The following SCTR variants were observed in gnomAD, a reference collection of about 807,000 sequenced individuals.
SCTR encodes secretin receptor.
In SCTR, 56 loss-of-function variants were observed where a neutral mutation model predicts 60.8. The observed-to-expected ratio is 0.92, with a 90% CI of 0.74 to 1.15. The LOEUF (loss-of-function observed/expected upper bound fraction) is 1.15. SCTR is among the 50% of genes most tolerant of loss of function. SCTR has a pLI of 0.00. For synonymous variants in SCTR, 202 were observed against 217.0 expected (o/e 0.93, Z 0.61); for missense variants, 562 against 550.4 (o/e 1.02, Z -0.21).
chr2:119,490,322 C>G (rs1203137624), intron 2 of SCTR, among the ~76,000 whole-genome samples: 1 of 152,234 alleles, frequency 6.6e-6, no homozygotes, highest in Non-Finnish European at 1.5e-5. Flanking sequence ...GCTGCTGCCT[C>G]CGCTGCTCAC....
chr2:119,494,389 A>G lies in SCTR; in HGVS notation c.193+39T>C, dbSNP rs550282997. On this transcript the variant is annotated intron_variant, in intron 2 of 12. Transcript: ENST00000019103. The stretch of plus-strand genomic sequence containing the variant: ...TGCCCAGCAGGACCGGACATGCTCC[A>G]CCCCCAAGAGAGGACATGGGCTGTG... 139 of 1,605,158 alleles carry G rather than the reference A, an allele frequency of 8.7e-5. 2 individuals carry two copies. In the East Asian group the frequency reaches 1.1e-3, roughly 13 times the overall value.
intron 2 of SCTR, among the ~76,000 whole-genome samples, chr2:119,491,149 T>C (rs1010478640): frequency 6.6e-6 from 1 of 152,308 alleles, no homozygotes; most frequent in East Asian, 1.9e-4. Context: ...ACAGCGAGTC[T>C]CTCTGAACTA....
At chr2:119,449,223 T>A (rs1683049125) in intron 9 of SCTR, among the ~76,000 whole-genome samples, 2 of 152,126 alleles carry the variant, frequency 1.3e-5, no homozygotes, top group African/African-American at 4.8e-5. Context: ...ACCCCACAGG[T>A]TATGGTTCAG....
chr2:119,452,155 T>C (rs1683198461), intron 8 of SCTR, 76 bp from the exon 9 acceptor site: 1 of 875,578 alleles, frequency 1.1e-6, no homozygotes, highest in Non-Finnish European at 1.9e-6. Context: ...ACATGTTCCC[T>C]GAGGTGGCCC....
At chr2:119,483,761 G>A (rs1677739266) in intron 2 of SCTR, among the ~76,000 whole-genome samples, 1 of 152,236 alleles carries the variant, frequency 6.6e-6, no homozygotes, top group Non-Finnish European at 1.5e-5. Context: ...TCCATTGATT[G>A]AAAGGAAAAC....
At chr2:119,507,346 A>T (rs546024738) in intron 1 of SCTR, among the ~76,000 whole-genome samples, 1 of 152,346 alleles carries the variant, frequency 6.6e-6, no homozygotes, top group African/African-American at 2.4e-5. Context: ...AAGAAAATGC[A>T]TGAAAATATT....
intron 1 of SCTR, among the ~76,000 whole-genome samples, chr2:119,517,778 G>A (rs1269232192): frequency 6.6e-6 from 1 of 152,172 alleles, no homozygotes; most frequent in Admixed American, 6.5e-5. Flanking sequence ...GAAGGAAGTC[G>A]GTAGGGGTAG....
rs1337616229 is a variant in SCTR, at chr2:119,475,617, T to TAG, written c.302-2062_302-2061insCT. On this transcript the variant is annotated intron_variant, in intron 3 of 12. Transcript: ENST00000019103. ...GGATGTTTGTGCATATATATATATA[T>TAG]ATAGATGTAGATATTTATATTATAT... Among the ~76,000 whole-genome samples, 16 of 147,166 alleles carry TAG rather than the reference T, an allele frequency of 1.1e-4. 1 individual carries two copies. Among genetic ancestry groups the TAG allele is most frequent in the Middle Eastern group, 3.6e-3 (1 of 276 alleles).
At chr2:119,449,386 T>C (rs1683057778) in intron 9 of SCTR, among the ~76,000 whole-genome samples, 1 of 152,246 alleles carries the variant, frequency 6.6e-6, no homozygotes, top group Non-Finnish European at 1.5e-5. Context: ...TTAGGGATAA[T>C]ATTGCTGTGT....
At chr2:119,520,205 A>G (rs992339495) in intron 1 of SCTR, among the ~76,000 whole-genome samples, 4 of 152,216 alleles carry the variant, frequency 2.6e-5, no homozygotes, top group African/African-American at 9.7e-5. Flanking sequence ...AAAGTCATCA[A>G]TAATCAGCTC....
At chr2:119,459,773 A>G (rs1397435453) in intron 7 of SCTR, among the ~76,000 whole-genome samples, 1 of 152,246 alleles carries the variant, frequency 6.6e-6, no homozygotes, top group African/African-American at 2.4e-5. Flanking sequence ...TACTATCACA[A>G]TGCAGCTTTG....
intron 1 of SCTR, among the ~76,000 whole-genome samples, chr2:119,507,069 C>T (rs1678763313): frequency 6.6e-6 from 1 of 152,116 alleles, no homozygotes; most frequent in Non-Finnish European, 1.5e-5. Flanking sequence ...TGTTAATTTA[C>T]AACTATTTCA....
chr2:119,449,811 T>C (rs1301103963), intron 9 of SCTR, among the ~76,000 whole-genome samples: 4 of 152,142 alleles, frequency 2.6e-5, no homozygotes, highest in African/African-American at 9.7e-5. Context: ...GAACCCTGCT[T>C]CTCTGCAACT....
At chr2:119,499,844 G>A (rs1431659117) in intron 1 of SCTR, among the ~76,000 whole-genome samples, 2 of 151,970 alleles carry the variant, frequency 1.3e-5, no homozygotes, top group African/African-American at 4.8e-5. Flanking sequence ...GACATTTCTT[G>A]CCTTAAGGAT....
intron 1 of SCTR, among the ~76,000 whole-genome samples, chr2:119,500,298 T>C (rs1394081460): frequency 6.6e-6 from 1 of 152,194 alleles, no homozygotes; most frequent in East Asian, 1.9e-4. Flanking sequence ...ACAGCTATTA[T>C]GGAAAACAGT....
At chr2:119,466,013 G>C (rs72833281) in intron 4 of SCTR, 127 bp from the exon 5 acceptor site, 1 of 644,732 alleles carries the variant, frequency 1.6e-6, no homozygotes. Flanking sequence ...CCTCAAGGAC[G>C]CCAATTCACA....
At chr2:119,446,641 T>C in intron 11 of SCTR, 118 bp downstream of exon 11, 2 of 1,027,008 alleles carry the variant, frequency 1.9e-6, no homozygotes, top group East Asian at 5.8e-5. Flanking sequence ...CGACCCCTTC[T>C]TCCCCTGGGT....
intron 2 of SCTR, among the ~76,000 whole-genome samples, chr2:119,481,444 ACCC>A (rs1234287438): frequency 6.6e-6 from 1 of 152,128 alleles, no homozygotes; most frequent in East Asian, 1.9e-4. Context: ...GTGAGACCAG[ACCC>A]AGGAATCTGC....
intron 9 of SCTR, among the ~76,000 whole-genome samples, chr2:119,450,386 C>T (rs902110486): frequency 2.0e-5 from 3 of 152,078 alleles, no homozygotes; most frequent in Non-Finnish European, 2.9e-5. Flanking sequence ...CTGGGCTCTC[C>T]GAGTCCCAGA....
Sources: gnomAD v4.1 joint callset for allele counts (sites outside exome capture counted in the v4.1 genomes callset) on GRCh38, gnomAD v4.1.1 for gene constraint, MANE v1.5 for transcripts, NCBI Gene and HGNC (gene_info 2026-07-23, HGNC 2026-07-21) for gene names.